LRRC4B: variants seen among roughly 807,000 people sequenced by gnomAD.
LRRC4B encodes the protein leucine rich repeat containing 4B.
In LRRC4B, 1 loss-of-function variant was observed where a neutral mutation model predicts 7.3. The observed-to-expected ratio is 0.14, with a 90% CI of 0.05 to 0.65. The LOEUF (loss-of-function observed/expected upper bound fraction) is 0.65. LRRC4B is among the 30% of genes least tolerant of loss of function. The pLI is 0.84. For synonymous variants in LRRC4B, 500 were observed against 499.2 expected (o/e 1.00, Z -0.02); for missense variants, 730 against 1,041.6 (o/e 0.70, Z 4.12).
chr19:50,534,322 A>G (rs1981172794), intron 2 of LRRC4B, among the ~76,000 whole-genome samples: 1 of 151,922 alleles, frequency 6.6e-6, no homozygotes, highest in South Asian at 2.1e-4. Context: ...TCACCTCTGA[A>G]GTTGTGAGTG....
At chr19:50,524,641 A>G (rs1465388782) in intron 2 of LRRC4B, among the ~76,000 whole-genome samples, 1 of 152,170 alleles carries the variant, frequency 6.6e-6, no homozygotes, top group East Asian at 1.9e-4. Flanking sequence ...TTACTAATAT[A>G]TTTATTTAGC....
chr19:50,560,282 C>T (rs1021099835), intron 1 of LRRC4B, among the ~76,000 whole-genome samples: 1 of 152,198 alleles, frequency 6.6e-6, no homozygotes, highest in African/African-American at 2.4e-5. Flanking sequence ...TATTCCATTT[C>T]GGGATGAAGA....
rs1039488351 is a variant in LRRC4B, at chr19:50,550,965, G to C, written c.-35-2092C>G. On this transcript the variant is annotated intron_variant, in intron 1 of 2. Coordinates refer to ENST00000652263, the MANE Select transcript of LRRC4B (RefSeq NM_001080457.2). ...CGCAGGGCCTGGATTTGAGGCCGGG[G>C]GACCCCGCAGGGCCTGTGGGAGCCC... The C allele has an allele frequency of 2.0e-5, 3 of 152,304 alleles. No individual in the cohort carries two copies. In the East Asian group the frequency reaches 5.8e-4, roughly 29 times the overall value. 9.4% of individuals were successfully genotyped at this position (152,304 alleles called of 1,614,324 possible). A position where few individuals can be genotyped will look rare whatever the true frequency, so the allele number is the denominator to read the frequency against.
chr19:50,540,914 T>A lies in LRRC4B; in HGVS notation c.297+7628A>T, dbSNP rs144710300. On this transcript the variant is annotated intron_variant, in intron 2 of 2. Transcript: ENST00000652263. ...AATAAAGTGCACCGGCCGGGCGTGGTGGCTCACGCCTGTAATCCCAGCACT... is the reference window on the plus strand; with the variant it reads ...AATAAAGTGCACCGGCCGGGCGTGGAGGCTCACGCCTGTAATCCCAGCACT... Among the ~76,000 whole-genome samples, 472 of 151,122 alleles carry A rather than the reference T, an allele frequency of 3.1e-3. 4 individuals carry two copies. The highest frequency in any genetic ancestry group is 8.7e-3 in the African/African-American group (360 of 41,286).
chr19:50,521,362 C>G (rs1980573555), intron 2 of LRRC4B, among the ~76,000 whole-genome samples: 1 of 151,830 alleles, frequency 6.6e-6, no homozygotes, highest in African/African-American at 2.4e-5. Flanking sequence ...CGGAAAGCGA[C>G]TGTTAGGACT....
At position 50,517,613 on chromosome 19, in the gene LRRC4B, G is replaced by A; in HGVS notation, c.2100C>T (p.Phe700=). The change falls in exon 3 of 3, where the codon TTC becomes TTT. Residue 700 remains phenylalanine, a synonymous_variant. Coordinates refer to ENST00000652263, the MANE Select transcript of LRRC4B (RefSeq NM_001080457.2). This position sits in a 1 kb window ranked among gnomAD's most constrained non-coding sequence, Gnocchi z 6.6. The stretch of plus-strand genomic sequence containing the variant: ...GCACGTTCTCCTTGGAGCCGCTCTT[G>A]AAGAGCAGAGGTTCGTGGATGGAGT... ...GLNSIHEPLL[F]KSGSKENVQE... 2.0e-6 allele frequency: 3 copies of A among 1,472,694 alleles called. No individual in the cohort carries two copies. Among genetic ancestry groups the A allele is most frequent in the Non-Finnish European group, 2.7e-6 (3 of 1,113,808 alleles). The allele number at this position is 1,472,694 out of a possible 1,614,324, so 91.2% of individuals were successfully genotyped here. A position where few individuals can be genotyped will look rare whatever the true frequency, so the allele number is the denominator to read the frequency against.
intron 2 of LRRC4B, among the ~76,000 whole-genome samples, chr19:50,529,532 C>T (rs910352033): frequency 6.6e-6 from 1 of 152,136 alleles, no homozygotes; most frequent in African/African-American, 2.4e-5. Flanking sequence ...AGGCCGGACA[C>T]GGTGGCTCAT....
At chr19:50,531,576 T>G (rs1981061863) in intron 2 of LRRC4B, among the ~76,000 whole-genome samples, 2 of 152,250 alleles carry the variant, frequency 1.3e-5, no homozygotes, top group African/African-American at 2.4e-5. Context: ...AGCCTGGTTT[T>G]GTTGAAACAT....
At chr19:50,535,044 A>AT (rs1748738545) in intron 2 of LRRC4B, among the ~76,000 whole-genome samples, 2 of 150,070 alleles carry the variant, frequency 1.3e-5, no homozygotes, top group South Asian at 2.1e-4. Flanking sequence ...AATTGTTTGT[A>AT]TTTTTAGTAG....
intron 1 of LRRC4B, among the ~76,000 whole-genome samples, chr19:50,550,544 C>G (rs1184664497): frequency 1.3e-5 from 2 of 152,264 alleles, no homozygotes; most frequent in African/African-American, 4.8e-5. Context: ...CAGTCACTCC[C>G]TCCTCCTGCA....
At chr19:50,527,671 A>G (rs1980872666) in intron 2 of LRRC4B, among the ~76,000 whole-genome samples, 3 of 151,030 alleles carry the variant, frequency 2.0e-5, no homozygotes, top group Admixed American at 6.6e-5. Flanking sequence ...TGACAGGGTG[A>G]TCTTTCCTTT....
rs745992979 is a variant in LRRC4B at position 50,563,400 on chromosome 19, C to G, written c.-36+4544G>C. On this transcript the variant is annotated intron_variant, in intron 1 of 2. Coordinates refer to ENST00000652263, the MANE Select transcript of LRRC4B (RefSeq NM_001080457.2). This position sits in a 1 kb window ranked among gnomAD's most constrained non-coding sequence, Gnocchi z 4.9. ...CAAACTCAGAGTTAATGAGGTTTCC[C>G]GTACCCCACCAGAGAGGACACAAAG... 2.0e-5 allele frequency among the ~76,000 whole-genome samples: 3 copies of G among 152,164 alleles called. No homozygotes were observed. Among genetic ancestry groups the G allele is most frequent in the African/African-American group, 7.2e-5 (3 of 41,444 alleles).
chr19:50,519,674 TGA>T lies in LRRC4B; in HGVS notation c.298-261_298-260del. Among the ~76,000 whole-genome samples the T allele has an allele frequency of 6.6e-6, 1 of 150,846 alleles. No homozygotes were observed. Among genetic ancestry groups the T allele is most frequent in the African/African-American group, 2.4e-5 (1 of 40,958 alleles). On this transcript the variant is annotated intron_variant, in intron 2 of 2. Coordinates refer to ENST00000652263, the MANE Select transcript of LRRC4B (RefSeq NM_001080457.2). This position sits in a 1 kb window ranked among gnomAD's most constrained non-coding sequence, Gnocchi z 8.1. ...GGTGGATCACTTGAGGTCAGGAGTT[TGA>T]GACCAGCCTGGACAACATGGTGAAA...
intron 2 of LRRC4B, among the ~76,000 whole-genome samples, chr19:50,536,173 GCC>G (rs942856561): frequency 6.7e-6 from 1 of 150,288 alleles, no homozygotes; most frequent in African/African-American, 2.5e-5. Flanking sequence ...TCGCTCTGTC[GCC>G]CAGGCTGGAG....
intron 1 of LRRC4B, among the ~76,000 whole-genome samples, chr19:50,557,149 T>C (rs1299825334): frequency 1.3e-5 from 2 of 151,422 alleles, no homozygotes; most frequent in African/African-American, 2.4e-5. Context: ...AGTGAACAGA[T>C]AAAGCAAATT....
At chr19:50,544,896 A>G (rs1981731527) in intron 2 of LRRC4B, among the ~76,000 whole-genome samples, 1 of 152,080 alleles carries the variant, frequency 6.6e-6, no homozygotes. Context: ...CTTCATAAAA[A>G]AGAAAAAAAA....
chr19:50,535,554 T>A (rs1981246069), intron 2 of LRRC4B, among the ~76,000 whole-genome samples: 1 of 152,238 alleles, frequency 6.6e-6, no homozygotes, highest in Non-Finnish European at 1.5e-5. Flanking sequence ...TTAATTTTTT[T>A]ACATTCAGAT....
rs749356572 is a variant in LRRC4B at position 50,518,325 on chromosome 19, C to G, written c.1388G>C (p.Gly463Ala). 2.5e-6 allele frequency: 4 copies of G among 1,604,012 alleles called. No homozygotes were observed. In the African/African-American group the frequency reaches 4.0e-5, roughly 16 times the overall value. Residue 463 changes from glycine to alanine, a missense_variant, in exon 3 of 3, where the codon GGC becomes GCC. Transcript: ENST00000652263. ...VSAVDPVAAG[G>A]TGSGGGGPGG... ...AGGGCCGCCCCCGCCGCTGCCGGTG[C>G]CCCCGGCCGCCACGGGGTCCACGGC...
At chr19:50,551,378 T>TG (rs887131165) in intron 1 of LRRC4B, among the ~76,000 whole-genome samples, 78 of 148,496 alleles carry the variant, frequency 5.3e-4, no homozygotes, top group East Asian at 8.2e-4. Context: ...TTCCCACCCC[T>TG]GGGGGGGGCT....
Sources: gnomAD v4.1 joint callset for allele counts (sites outside exome capture counted in the v4.1 genomes callset) on GRCh38, gnomAD v4.1.1 for gene constraint, Gnocchi (gnomAD v3.1) non-coding constraint, MANE v1.5 for transcripts, NCBI Gene and HGNC (gene_info 2026-07-23, HGNC 2026-07-21) for gene names.